Variants in TRAPPC9 observed in about 807,000 individuals in gnomAD.
The protein encoded by TRAPPC9 is IKK2 binding protein.
Under a neutral mutation model 124.0 loss-of-function variants are expected in TRAPPC9, and 83 were observed. That is an observed-to-expected ratio of 0.67 (90% CI 0.56 to 0.80). The LOEUF (loss-of-function observed/expected upper bound fraction) is 0.80, where lower values mean the gene tolerates loss of function less well. Among genes scored for constraint, TRAPPC9 ranks in the 30% least tolerant of loss-of-function variants. TRAPPC9 has a pLI of 0.00. For missense variants in TRAPPC9, 1,302 were observed against 1,508.3 expected (o/e 0.86, Z 2.27); for synonymous variants, 638 against 617.5 (o/e 1.03, Z -0.49).
Position 140,287,869 on chromosome 8 carries a change from C to G in TRAPPC9, c.1855-135G>C. Reference sequence around the variant, plus strand: ...AATCACCAACAGTCTTCACAGAGAACTTCGGAGACAGTGTACAGTGTAACA... The same window carrying G: ...AATCACCAACAGTCTTCACAGAGAAGTTCGGAGACAGTGTACAGTGTAACA... On this transcript the variant is annotated intron_variant, in intron 12 of 22. Transcript: ENST00000438773. The G allele has an allele frequency of 7.8e-6, 10 of 1,285,468 alleles. No homozygotes were observed. In the South Asian group the frequency reaches 1.2e-4, roughly 16 times the overall value. 79.6% of individuals were successfully genotyped at this position (1,285,468 alleles called of 1,614,324 possible).
chr8:140,365,485 G>A (rs1265339587), intron 8 of TRAPPC9, among the ~76,000 whole-genome samples: 1 of 152,226 alleles, frequency 6.6e-6, no homozygotes, highest in East Asian at 1.9e-4. Flanking sequence ...AGAAAGAGAT[G>A]CCCCGTAGGC....
chr8:140,160,410 T>G (rs947951509), intron 17 of TRAPPC9, among the ~76,000 whole-genome samples: 8 of 152,062 alleles, frequency 5.3e-5, no homozygotes, highest in Non-Finnish European at 1.2e-4. Flanking sequence ...CGTCCATCAA[T>G]AAGAGACTAG....
At chr8:139,791,860 C>G (rs1811511102) in intron 21 of TRAPPC9, among the ~76,000 whole-genome samples, 1 of 152,186 alleles carries the variant, frequency 6.6e-6, no homozygotes, top group Non-Finnish European at 1.5e-5. Context: ...GCTCCGCAAC[C>G]CAGGACTCAG....
chr8:139,960,878 G>A lies in TRAPPC9; in HGVS notation c.2810+27848C>T, dbSNP rs1006879682. On this transcript the variant is annotated intron_variant, in intron 19 of 22. Transcript: ENST00000438773. ...TCACAATCTGTTCCCAGTGGTGCCC[G>A]TGAGGAGCCAGTAGGGACAAATAAT... Among the ~76,000 whole-genome samples, 11 of 125,026 alleles carry A rather than the reference G, an allele frequency of 8.8e-5. 4 individuals carry two copies. The South Asian group carries it at 2.2e-3, about 24-fold the overall frequency. The allele number at this position is 125,026 out of a possible 152,430, so 82.0% of individuals were successfully genotyped here.
chr8:140,280,339 G>T (rs2065270186), intron 14 of TRAPPC9, among the ~76,000 whole-genome samples: 1 of 152,160 alleles, frequency 6.6e-6, no homozygotes, highest in South Asian at 2.1e-4. Flanking sequence ...GCATGTGCAG[G>T]TATAAAATCC....
intron 9 of TRAPPC9, among the ~76,000 whole-genome samples, chr8:140,311,919 C>G (rs1163116411): frequency 6.6e-6 from 1 of 152,160 alleles, no homozygotes; most frequent in Non-Finnish European, 1.5e-5. Flanking sequence ...AAAGAGGACA[C>G]AGGTGATAAT....
At chr8:139,895,229 C>CG (rs1830591781) in intron 20 of TRAPPC9, among the ~76,000 whole-genome samples, 1 of 152,128 alleles carries the variant, frequency 6.6e-6, no homozygotes, top group Non-Finnish European at 1.5e-5. Context: ...GTTGACGAGG[C>CG]GGGGGGCACA....
At chr8:139,975,077 C>G (rs947895538) in intron 19 of TRAPPC9, among the ~76,000 whole-genome samples, 9 of 152,130 alleles carry the variant, frequency 5.9e-5, no homozygotes, top group Non-Finnish European at 1.5e-5. Flanking sequence ...AAAGCACCAC[C>G]AAGAAGGGAC....
At chr8:140,300,419 T>G in intron 11 of TRAPPC9, 50 bp downstream of exon 11, 1 of 1,613,136 alleles carries the variant, frequency 6.2e-7, no homozygotes, top group Non-Finnish European at 8.5e-7. Flanking sequence ...GAAAAGCCAT[T>G]GGAAATCAGG....
At chr8:140,239,598 C>T (rs963021326) in intron 16 of TRAPPC9, among the ~76,000 whole-genome samples, 1 of 152,204 alleles carries the variant, frequency 6.6e-6, no homozygotes, top group Non-Finnish European at 1.5e-5. Context: ...CATCCACCTC[C>T]TCACGGCCGT....
intron 20 of TRAPPC9, among the ~76,000 whole-genome samples, chr8:139,908,434 A>G (rs1831500933): frequency 6.6e-6 from 1 of 152,146 alleles, no homozygotes; most frequent in South Asian, 2.1e-4. Context: ...AAGACCCAAC[A>G]GAAAGACAGA....
intron 21 of TRAPPC9, among the ~76,000 whole-genome samples, chr8:139,806,655 A>AT (rs1824083714): frequency 6.8e-6 from 1 of 147,656 alleles, no homozygotes; most frequent in East Asian, 1.9e-4. Context: ...TGGCTCCTTG[A>AT]ACTGCCTGAT....
chr8:139,979,043 G>A (rs751925563), intron 19 of TRAPPC9, among the ~76,000 whole-genome samples: 3 of 152,070 alleles, frequency 2.0e-5, no homozygotes, highest in East Asian at 1.9e-4. Context: ...GTTCTTGCCC[G>A]CAGACCAACT....
Position 140,315,234 on chromosome 8 carries a change from T to TG in TRAPPC9, c.1496-3861_1496-3860insC, listed in dbSNP as rs60597683. Reference sequence around the variant, plus strand: ...TACATCTTTTGGCCATTTGTATGTCTTTTTTTTTTTTTTTTTTTGGTGGGC... The same window carrying TG: ...TACATCTTTTGGCCATTTGTATGTCTGTTTTTTTTTTTTTTTTTTGGTGGGC... On this transcript the variant is annotated intron_variant, in intron 9 of 22. Coordinates refer to ENST00000438773, the MANE Select transcript of TRAPPC9 (RefSeq NM_001160372.4). Among the ~76,000 whole-genome samples the TG allele has an allele frequency of 2.8e-4, 6 of 21,658 alleles. No individual in the cohort carries two copies. In the East Asian group the frequency reaches 0.011, roughly 38 times the overall value. 14.2% of individuals were successfully genotyped at this position (21,658 alleles called of 152,430 possible).
chr8:139,824,111 C>A (rs1825458064), intron 21 of TRAPPC9, among the ~76,000 whole-genome samples: 1 of 152,156 alleles, frequency 6.6e-6, no homozygotes, highest in African/African-American at 2.4e-5. Context: ...TGATGTCTTC[C>A]CCATTTTACA....
intron 7 of TRAPPC9, among the ~76,000 whole-genome samples, chr8:140,381,916 C>G (rs2068622133): frequency 6.6e-6 from 1 of 152,124 alleles, no homozygotes; most frequent in African/African-American, 2.4e-5. Context: ...AAAGTTAAAC[C>G]CAGCAATTTC....
At chr8:139,801,191 C>T (rs1477441100) in intron 21 of TRAPPC9, among the ~76,000 whole-genome samples, 1 of 152,216 alleles carries the variant, frequency 6.6e-6, no homozygotes. Context: ...TGTGAGGTGC[C>T]AGAGGAATGA....
intron 19 of TRAPPC9, among the ~76,000 whole-genome samples, chr8:139,977,949 G>C (rs1836596397): frequency 6.6e-6 from 1 of 152,062 alleles, no homozygotes; most frequent in Non-Finnish European, 1.5e-5. Context: ...CTAAAGTGCT[G>C]GGATTATGGG....
At chr8:140,174,794 A>G (rs1295177875) in intron 17 of TRAPPC9, among the ~76,000 whole-genome samples, 1 of 152,160 alleles carries the variant, frequency 6.6e-6, no homozygotes, top group Non-Finnish European at 1.5e-5. Flanking sequence ...ATTAATCTAC[A>G]ACAGTTTATC....
Sources: allele counts gnomAD v4.1 joint callset (sites outside exome capture counted in the v4.1 genomes callset), GRCh38; gene constraint gnomAD v4.1.1; transcripts MANE v1.5; gene names NCBI Gene and HGNC (gene_info 2026-07-23, HGNC 2026-07-21).